Variants in FGA observed in about 807,000 individuals in gnomAD.
FGA encodes fibrinogen, A alpha polypeptide.
Under a neutral mutation model 20.3 loss-of-function variants are expected in FGA, and 20 were observed. The ratio of observed to expected loss-of-function variants is 0.99; its 90% CI spans 0.69 to 1.43. FGA has a LOEUF of 1.43. FGA is among the 40% of genes most tolerant of loss of function. FGA has a pLI of 0.00. For synonymous variants in FGA, 306 were observed against 281.6 expected (o/e 1.09, Z -0.87); for missense variants, 777 against 784.7 (o/e 0.99, Z 0.12).
In FGA at chr4:154,587,585, A is replaced by C; in HGVS notation, c.437T>G (p.Ile146Arg). The C allele has an allele frequency of 6.2e-7, 1 of 1,613,994 alleles. No homozygotes were observed. Among genetic ancestry groups the C allele is most frequent in the South Asian group, 1.1e-5 (1 of 91,074 alleles). Reference sequence around the variant, plus strand: ...AAGCTGGATATGCTGTACTTTTTCTATGACTTTGCGCTTCAGGACTTCAAT... The same window carrying C: ...AAGCTGGATATGCTGTACTTTTTCTCTGACTTTGCGCTTCAGGACTTCAAT... ...SRIEVLKRKV[I>R]EKVQHIQLLQ... Residue 146 changes from isoleucine (I) to arginine (R), a missense_variant, in exon 4 of 5, where the codon ATA (isoleucine) becomes AGA (arginine). Ile to Arg is a moderately conservative substitution (Grantham distance 97). Coordinates refer to ENST00000403106, the MANE Select transcript of FGA (RefSeq NM_021871.4).
At chr4:154,587,097 T>C (rs1286284529) in intron 4 of FGA, among the ~76,000 whole-genome samples, 179 bp from the exon 5 acceptor site, 4 of 152,176 alleles carry the variant, frequency 2.6e-5, no homozygotes, top group Non-Finnish European at 5.9e-5. Context: ...GGAAGAGATG[T>C]TGGGTATTGC....
chr4:154,589,710 G>T, intron 1 of FGA, 148 bp from the exon 2 acceptor site: 2 of 857,984 alleles, frequency 2.3e-6, no homozygotes, highest in South Asian at 1.4e-5. Context: ...CAAGCTTCAG[G>T]TTTCTTATCT....
chr4:154,585,983 CACTTCTTTGGTA>C lies in FGA; in HGVS notation c.1434_1445del (p.Thr479_Val482del). 1.8e-5 allele frequency: 29 copies of C among 1,614,158 alleles called. No individual in the cohort carries two copies. Among genetic ancestry groups the C allele is most frequent in the Non-Finnish European group, 2.4e-5 (28 of 1,180,022 alleles). ...AGTCAGAACCATCTTCGGAGGTCAC[CACTTCTTTGGTA>C]ACTTCTTTGTGACCATCAGGACCAA... On this transcript the variant is annotated inframe_deletion, in exon 5 of 5. Transcript: ENST00000403106.
Position 154,586,459 on chromosome 4 carries a change from C to G in FGA, c.970G>C (p.Gly324Arg). 1 of 1,608,990 alleles carries G rather than the reference C, an allele frequency of 6.2e-7. No homozygotes were observed. The highest frequency in any genetic ancestry group is 1.7e-5 in the Admixed American group (1 of 59,570). Residue 324 changes from glycine to arginine, a missense_variant, in exon 5 of 5, where the codon GGG becomes CGG. Coordinates refer to ENST00000403106, the MANE Select transcript of FGA (RefSeq NM_021871.4). ...GTGGTATWKPGSSGPGSTGSW... is the reference protein window; with the variant it reads ...GTGGTATWKPRSSGPGSTGSW... ...CCAGTACTTCCAGGTCCAGAGCTCC[C>G]AGGTTTCCAGGTTGCAGTCCCTCCA...
At chr4:154,590,003 T>C (rs1384604112) in intron 1 of FGA, among the ~76,000 whole-genome samples, 1 of 152,258 alleles carries the variant, frequency 6.6e-6, no homozygotes, top group African/African-American at 2.4e-5. Flanking sequence ...CTATCTTAAC[T>C]GAATGTTCCT....
At position 154,585,993 on chromosome 4, in the gene FGA, G is replaced by T; in HGVS notation, c.1436C>A (p.Thr479Asn). 6.2e-7 allele frequency: 1 copy of T among 1,614,104 alleles called. No individual in the cohort carries two copies. The highest frequency in any genetic ancestry group is 8.5e-7 in the Non-Finnish European group (1 of 1,179,964). Residue 479 changes from threonine (T) to asparagine (N), a missense_variant, in exon 5 of 5, where the codon ACC (threonine) becomes AAC (asparagine). Coordinates refer to ENST00000403106, the MANE Select transcript of FGA (RefSeq NM_021871.4). ...VIGPDGHKEV[T>N]KEVVTSEDGS... ...ATCTTCGGAGGTCACCACTTCTTTG[G>T]TAACTTCTTTGTGACCATCAGGACC...
At chr4:154,589,356 T>C in intron 2 of FGA, 81 bp downstream of exon 2, 2 of 1,559,658 alleles carry the variant, frequency 1.3e-6, no homozygotes, top group Middle Eastern at 2.0e-4. Context: ...TAAAAAAGTT[T>C]CTGGGACCAA....
intron 3 of FGA, 110 bp from the exon 4 acceptor site, chr4:154,587,767 G>GAAAGAAAA: frequency 1.6e-6 from 1 of 633,012 alleles, no homozygotes; most frequent in South Asian, 2.1e-5. Flanking sequence ...AAGAAAGAAA[G>GAAAGAAAA]AAAGAAAGAA....
intron 3 of FGA, 75 bp from the exon 4 acceptor site, chr4:154,587,732 G>A: frequency 1.1e-6 from 1 of 893,486 alleles, no homozygotes; most frequent in Non-Finnish European, 1.8e-6. Context: ...AAGAAAGGAA[G>A]AAAGGAAGGA....
downstream of FGA, chr4:154,584,468 G>A: frequency 2.5e-6 from 4 of 1,614,136 alleles, no homozygotes; most frequent in Non-Finnish European, 3.4e-6. Flanking sequence ...GAGACTTGGA[G>A]GGCATAGCCT....
intron 3 of FGA, among the ~76,000 whole-genome samples, chr4:154,587,994 TTCTTTGGAATTTTAAA>T (rs1387993101): frequency 6.6e-6 from 1 of 152,164 alleles, no homozygotes; most frequent in Non-Finnish European, 1.5e-5. Context: ...AAGAAGAACT[TTCTTTGGAATTTTAAA>T]GGTGTAATTT....
chr4:154,587,518 T>C lies in FGA; in HGVS notation c.504A>G (p.Arg168=), dbSNP rs746995811. The change falls in exon 4 of 5, where the codon CGA becomes CGG. Residue 168 remains arginine, a synonymous_variant. Coordinates refer to ENST00000403106, the MANE Select transcript of FGA (RefSeq NM_021871.4). ...ACCACAGCCACATACTTACCTCCAG[T>C]CGTTTCATATCAACCAACTGAGCTC... ...NVRAQLVDMK[R]LEVDIDIKIR... 1.2e-6 allele frequency: 2 copies of C among 1,613,920 alleles called. No homozygotes were observed. Among genetic ancestry groups the C allele is most frequent in the South Asian group, 2.2e-5 (2 of 91,086 alleles).
At chr4:154,584,247 G>C, downstream of FGA, 3 of 1,614,068 alleles carry the variant, frequency 1.9e-6, no homozygotes, top group Non-Finnish European at 2.5e-6. Context: ...TTGGGTCATA[G>C]GAGCCCCCAG....
chr4:154,587,715 A>C, intron 3 of FGA, 58 bp from the exon 4 acceptor site: 1 of 1,390,030 alleles, frequency 7.2e-7, no homozygotes, highest in South Asian at 1.2e-5. Flanking sequence ...TGTAATTGCC[A>C]GCAAAAAAGA....
At chr4:154,586,945 G>GA in intron 4 of FGA, 27 bp from the exon 5 acceptor site, 1 of 1,604,936 alleles carries the variant, frequency 6.2e-7, no homozygotes, top group Non-Finnish European at 8.5e-7. Flanking sequence ...AAAATAAAGA[G>GA]AAAATGTAGA....
At position 154,588,881 on chromosome 4, in the gene FGA, T is replaced by G; in HGVS notation, c.276A>C (p.Leu92=). The G allele has an allele frequency of 6.2e-7, 1 of 1,608,936 alleles. No individual in the cohort carries two copies. Among genetic ancestry groups the G allele is most frequent in the Non-Finnish European group, 8.5e-7 (1 of 1,175,560 alleles). Reference sequence around the variant, plus strand: ...CCTTATTGTTCTTCTGATATTCAAATAGTGAATTTTTGAGCTTATTTATTC... The same window carrying G: ...CCTTATTGTTCTTCTGATATTCAAAGAGTGAATTTTTGAGCTTATTTATTC... The part of the protein sequence containing the change: ...TNRINKLKNS[L]FEYQKNNKDS... Residue 92 remains leucine, a synonymous_variant, in exon 3 of 5, where the codon CTA becomes CTC. Transcript: ENST00000403106.
intron 3 of FGA, 88 bp from the exon 4 acceptor site, chr4:154,587,745 G>GAGAAAGAAGAA (rs1553964331): frequency 4.4e-5 from 23 of 524,222 alleles, no homozygotes; most frequent in African/African-American, 3.3e-4. Context: ...AGGAAGGAAG[G>GAGAAAGAAGAA]AGAAAGAAAG....
At chr4:154,584,534 A>C, downstream of FGA, 2 of 1,614,148 alleles carry the variant, frequency 1.2e-6, no homozygotes, top group Non-Finnish European at 1.7e-6. Flanking sequence ...TTCCCAGCCC[A>C]GTCCTCTAAT....
chr4:154,587,054 TTC>T (rs1730746210), intron 4 of FGA, 136 bp from the exon 5 acceptor site: 5 of 837,204 alleles, frequency 6.0e-6, no homozygotes, highest in South Asian at 1.6e-5. Flanking sequence ...CCACTTAATA[TTC>T]TCTGTTTTCT....
Sources: allele counts gnomAD v4.1 joint callset (sites outside exome capture counted in the v4.1 genomes callset), GRCh38; gene constraint gnomAD v4.1.1; transcripts MANE v1.5; gene names NCBI Gene and HGNC (gene_info 2026-07-23, HGNC 2026-07-21).